Variants in TRPV4 observed in about 807,000 individuals in gnomAD.
TRPV4 encodes the protein transient receptor potential cation channel subfamily V member 4.
A neutral mutation model predicts 84.1 loss-of-function variants in TRPV4; 58 were observed. The ratio of observed to expected loss-of-function variants is 0.69; its 90% confidence interval spans 0.56 to 0.86. The LOEUF (loss-of-function observed/expected upper bound fraction) is 0.86, where lower values mean the gene tolerates loss of function less well. TRPV4 is among the 40% of genes least tolerant of loss of function. The pLI, the probability that TRPV4 is intolerant of heterozygous loss-of-function variation, is 0.00. For synonymous variants in TRPV4, 489 were observed against 500.9 expected, an observed-to-expected ratio of 0.98 and a Z score of 0.32; for missense variants, 879 against 1,181.1, an observed-to-expected ratio of 0.74 and a Z score of 3.75.
Position 109,783,847 on chromosome 12 carries a change from C to CTACTGTG in TRPV4, c.2459-76_2459-70dup. On this transcript the variant is annotated intron_variant, in intron 15 of 15. Coordinates refer to ENST00000261740, the MANE Select transcript of TRPV4 (RefSeq NM_021625.5). This position sits in a 1 kb window ranked among gnomAD's most constrained non-coding sequence, Gnocchi z 4.6. ...GAGAGAGCGTGCGTATATTGAGTGC[C>CTACTGTG]TACTGTGTACTGGGCACTCCACAGT... 6.4e-7 allele frequency: 1 copy of CTACTGTG among 1,562,720 alleles called. No homozygotes were observed.
chr12:109,794,825 C>G (rs1298903781), intron 7 of TRPV4, among the ~76,000 whole-genome samples: 1 of 152,186 alleles, frequency 6.6e-6, no homozygotes, highest in Non-Finnish European at 1.5e-5. Context: ...CAAGATCAGC[C>G]TGGCCAATGT....
chr12:109,790,452 A>G (rs946698361), intron 12 of TRPV4, among the ~76,000 whole-genome samples: 1 of 152,208 alleles, frequency 6.6e-6, no homozygotes, highest in African/African-American at 2.4e-5. Flanking sequence ...TGGCATCATG[A>G]CATCACGAAG....
intron 3 of TRPV4, among the ~76,000 whole-genome samples, 160 bp from the exon 4 acceptor site, chr12:109,803,303 C>T (rs995241664): frequency 5.3e-5 from 8 of 152,288 alleles, no homozygotes; most frequent in Middle Eastern, 3.4e-3. Flanking sequence ...GACCCAGGGC[C>T]ACTCTATCTT....
intron 1 of TRPV4, among the ~76,000 whole-genome samples, chr12:109,817,692 G>A (rs968797984): frequency 2.6e-5 from 4 of 152,224 alleles, no homozygotes; most frequent in Non-Finnish European, 2.9e-5. Flanking sequence ...ATCCTCGCCT[G>A]ATGACGTAGC....
At chr12:109,817,234 C>CGG (rs1167294722) in intron 1 of TRPV4, among the ~76,000 whole-genome samples, 2 of 152,116 alleles carry the variant, frequency 1.3e-5, no homozygotes, top group East Asian at 3.8e-4. Context: ...CAGGCATTGG[C>CGG]GGGAGGTGGA....
Position 109,783,537 on chromosome 12 carries a change from T to G in TRPV4, c.*84A>C. The G allele has an allele frequency of 6.5e-7, 1 of 1,537,740 alleles. No individual in the cohort carries two copies. Among genetic ancestry groups the G allele is most frequent in the Non-Finnish European group, 8.8e-7 (1 of 1,135,036 alleles). On this transcript the variant is annotated 3_prime_UTR_variant, in exon 16 of 16. Transcript: ENST00000261740. This position sits in a 1 kb window ranked among gnomAD's most constrained non-coding sequence, Gnocchi z 4.6. ...TCGCCTCTGGGGCCAAAGCAGGGTGTGGGGGGACACCCCAGAAGGCACTGC... is the reference window on the plus strand; with the variant it reads ...TCGCCTCTGGGGCCAAAGCAGGGTGGGGGGGGACACCCCAGAAGGCACTGC...
At chr12:109,792,299 T>C in intron 12 of TRPV4, 64 bp downstream of exon 12, 7 of 765,080 alleles carry the variant, frequency 9.1e-6, no homozygotes, top group Non-Finnish European at 1.6e-5. Flanking sequence ...CCCCTATACA[T>C]CATGGCTACT....
intron 1 of TRPV4, among the ~76,000 whole-genome samples, chr12:109,831,372 C>T (rs1266171511): frequency 6.6e-6 from 1 of 152,234 alleles, no homozygotes; most frequent in East Asian, 1.9e-4. Context: ...TGACCCCATC[C>T]ATTCCACAGC....
chr12:109,814,691 G>T lies in TRPV4; in HGVS notation c.106C>A (p.Leu36Met). 2 of 1,611,398 alleles carry T rather than the reference G, an allele frequency of 1.2e-6. No individual in the cohort carries two copies. The highest frequency in any genetic ancestry group is 8.5e-7 in the Non-Finnish European group (1 of 1,179,138). ...PGGEAFPLSS[L>M]ANLFEGEDGS... ...TCCTCCCCCTCAAACAGATTGGCCA[G>T]GGAGGAGAGAGGAAAAGCCTCCCCA... Residue 36 changes from leucine to methionine, a missense_variant, in exon 2 of 16, where the codon CTG (leucine) becomes ATG (methionine). Leu to Met is a conservative substitution (Grantham distance 15). This residue lies in a region of TRPV4 where 107 missense variants were observed against 99.4 expected (regional missense o/e 1.08). Coordinates refer to ENST00000261740, the MANE Select transcript of TRPV4 (RefSeq NM_021625.5). The surrounding 1 kb of genome is among the most constrained non-coding windows in gnomAD (Gnocchi z 5.4).
chr12:109,814,737 C>G lies in TRPV4; in HGVS notation c.60G>C (p.Gly20=). ...CCCCACCTGGGGTGCCACTCTCATC[C>G]CCGGGGAGCTCAGCCACCTCCCCGG... ...AGPGEVAELP[G]DESGTPGGEA... is the part of the protein sequence containing the mutation. Residue 20 remains glycine, a synonymous_variant, in exon 2 of 16, where the codon GGG becomes GGC. Transcript: ENST00000261740. The surrounding 1 kb of genome is among the most constrained non-coding windows in gnomAD (Gnocchi z 5.4). 1.3e-6 allele frequency: 2 copies of G among 1,590,334 alleles called. No individual in the cohort carries two copies. The highest frequency in any genetic ancestry group is 1.7e-6 in the Non-Finnish European group (2 of 1,169,678).
intron 1 of TRPV4, among the ~76,000 whole-genome samples, chr12:109,824,267 A>G (rs529342468): frequency 3.2e-4 from 48 of 152,164 alleles, no homozygotes; most frequent in Non-Finnish European, 5.4e-4. Flanking sequence ...GCCCAGCCAC[A>G]TAAAGGGTTT....
chr12:109,785,942 G>A (rs1391881874), intron 14 of TRPV4, among the ~76,000 whole-genome samples: 2 of 152,122 alleles, frequency 1.3e-5, no homozygotes, highest in Admixed American at 6.5e-5. Flanking sequence ...GAGACCAGGA[G>A]TTGGAGGCTG....
intron 1 of TRPV4, among the ~76,000 whole-genome samples, chr12:109,827,869 C>T (rs1425132546): frequency 1.3e-5 from 2 of 151,864 alleles, no homozygotes; most frequent in Non-Finnish European, 2.9e-5. Context: ...CATATACACA[C>T]ATACACATAC....
At chr12:109,822,703 C>T (rs1892140820) in intron 1 of TRPV4, among the ~76,000 whole-genome samples, 1 of 152,288 alleles carries the variant, frequency 6.6e-6, no homozygotes, top group East Asian at 1.9e-4. Flanking sequence ...CCTGACGAAC[C>T]ACCAGTTCAC....
intron 1 of TRPV4, among the ~76,000 whole-genome samples, chr12:109,824,511 T>A (rs1892197875): frequency 6.6e-6 from 1 of 151,960 alleles, no homozygotes; most frequent in South Asian, 2.1e-4. Flanking sequence ...ATCCCAGCAC[T>A]TTGGGAGACC....
At chr12:109,792,602 G>A (rs765930751) in intron 11 of TRPV4, 50 bp downstream of exon 11, 1 of 1,610,116 alleles carries the variant, frequency 6.2e-7, no homozygotes, top group Non-Finnish European at 8.5e-7. Flanking sequence ...TGGTGTGTGT[G>A]TGACTCCCTC....
chr12:109,814,961 G>A lies in TRPV4; in HGVS notation c.-31-134C>T, dbSNP rs1173815599. On this transcript the variant is annotated intron_variant, in intron 1 of 15. Coordinates refer to ENST00000261740, the MANE Select transcript of TRPV4 (RefSeq NM_021625.5). The surrounding 1 kb of genome is among the most constrained non-coding windows in gnomAD (Gnocchi z 5.4). ...ACCGTTGTAATGACAGGGGCACAGG[G>A]AGGCCACTCCCAGATGTGGTTGGCC... The A allele has an allele frequency of 2.4e-6, 2 of 842,814 alleles. No individual in the cohort carries two copies. The highest frequency in any genetic ancestry group is 2.8e-5 in the Admixed American group (1 of 36,302). 52.2% of individuals were successfully genotyped at this position (842,814 alleles called of 1,614,324 possible).
rs1890389970 is a variant in TRPV4, at chr12:109,796,231, A to G, written c.1332+294T>C. Among the ~76,000 whole-genome samples the G allele has an allele frequency of 6.6e-6, 1 of 152,196 alleles. No individual in the cohort carries two copies. Among genetic ancestry groups the G allele is most frequent in the Non-Finnish European group, 1.5e-5 (1 of 68,028 alleles). On this transcript the variant is annotated intron_variant, in intron 7 of 15. Transcript: ENST00000261740. The surrounding 1 kb of genome is among the most constrained non-coding windows in gnomAD (Gnocchi z 4.2). The stretch of plus-strand genomic sequence containing the variant: ...TACAAATGAAGAAGCTGAGACCCAG[A>G]GAGGTGGAGCCACTTGTCCTGAGAC...
At chr12:109,810,624 G>A (rs78257312) in intron 2 of TRPV4, among the ~76,000 whole-genome samples, 2 of 152,312 alleles carry the variant, frequency 1.3e-5, no homozygotes, top group East Asian at 3.9e-4. Context: ...GGTAAGACGT[G>A]CTCTCCTGTT....
Sources: allele counts gnomAD v4.1 joint callset (sites outside exome capture counted in the v4.1 genomes callset), GRCh38; gene constraint gnomAD v4.1.1; regional missense constraint gnomAD v4.1.1; non-coding constraint Gnocchi (gnomAD v3.1); transcripts MANE v1.5; gene names NCBI Gene and HGNC (gene_info 2026-07-23, HGNC 2026-07-21).